The following ADGRG6 variants were observed in gnomAD, a reference collection of about 807,000 sequenced individuals.
The protein encoded by ADGRG6 is G-protein coupled receptor 126.
ADGRG6 carries 84 observed loss-of-function variants against 142.4 expected under a neutral mutation model. That is an observed-to-expected ratio of 0.59 (90% CI 0.49 to 0.71). ADGRG6 has a LOEUF of 0.71. Ranked by LOEUF, ADGRG6 falls within the 30% of genes least tolerant of loss-of-function variation. The probability of loss-of-function intolerance (pLI) is 0.00; values close to 1 mark genes in which losing one functional copy is unlikely to be tolerated. For missense variants in ADGRG6, 1,367 were observed against 1,466.6 expected, an observed-to-expected ratio of 0.93 and a Z score of 1.11; for synonymous variants, 521 against 520.5, an observed-to-expected ratio of 1.00 and a Z score of -0.01.
intron 2 of ADGRG6, among the ~76,000 whole-genome samples, chr6:142,315,712 T>TC (rs1375357559): frequency 6.6e-6 from 1 of 152,002 alleles, no homozygotes; most frequent in African/African-American, 2.4e-5. Context: ...GCGCCTGTAA[T>TC]CCCAGCTACT....
intron 2 of ADGRG6, among the ~76,000 whole-genome samples, chr6:142,364,903 T>C (rs1780877204): frequency 6.6e-6 from 1 of 152,098 alleles, no homozygotes; most frequent in South Asian, 2.1e-4. Context: ...TTAAACCCTT[T>C]CTTCAGGTCT....
At chr6:142,425,884 A>T (rs1036882267) in intron 22 of ADGRG6, among the ~76,000 whole-genome samples, 2 of 152,218 alleles carry the variant, frequency 1.3e-5, no homozygotes, top group South Asian at 4.1e-4. Context: ...GAGTTTGTGC[A>T]GAAAAACTCC....
At position 142,417,432 on chromosome 6, in the gene ADGRG6, T is replaced by C. The variant is rs1582660364; in HGVS notation, c.3035+63T>C. ...TTTGTTTCCTGAAGTTTAGCATTAA[T>C]TTCCATGCCAATAACAAGGCTTTCA... On this transcript the variant is annotated intron_variant, in intron 21 of 24. Coordinates refer to ENST00000367609, the MANE Select transcript of ADGRG6 (RefSeq NM_198569.3). 1.3e-5 allele frequency: 10 copies of C among 754,050 alleles called. No homozygotes were observed. The East Asian group carries it at 2.7e-4, about 20-fold the overall frequency. 46.7% of individuals were successfully genotyped at this position (754,050 alleles called of 1,614,324 possible). A position where few individuals can be genotyped will look rare whatever the true frequency, so the allele number is the denominator to read the frequency against.
intron 13 of ADGRG6, 66 bp from the exon 14 acceptor site, chr6:142,403,736 A>T: frequency 9.8e-7 from 1 of 1,024,598 alleles, no homozygotes; most frequent in Non-Finnish European, 1.4e-6. Flanking sequence ...ATGCAGCAAA[A>T]CATGTATGTT....
Position 142,370,450 on chromosome 6 carries a change from A to G in ADGRG6, c.726A>G (p.Lys242=). Residue 242 remains lysine, a synonymous_variant, in exon 4 of 25, where the codon AAA becomes AAG. Transcript: ENST00000367609. The stretch of plus-strand genomic sequence containing the variant: ...ATAATGCATTACCTGTCAAAGAAAA[A>G]GAAGACATTTTTGCAGAAAGCTTTG... The part of the protein sequence containing the change: ...LLNNALPVKE[K]EDIFAESFEQ... 6.2e-7 allele frequency: 1 copy of G among 1,613,626 alleles called. No individual in the cohort carries two copies.
chr6:142,375,261 A>G (rs371439230), intron 4 of ADGRG6, among the ~76,000 whole-genome samples: 3 of 152,214 alleles, frequency 2.0e-5, no homozygotes, highest in South Asian at 4.1e-4. Context: ...TTAGTCATCT[A>G]TAAGTTTTCA....
At chr6:142,367,499 G>A (rs1048198168) in intron 2 of ADGRG6, 70 bp from the exon 3 acceptor site, 2 of 989,572 alleles carry the variant, frequency 2.0e-6, no homozygotes, top group Non-Finnish European at 1.5e-6. Context: ...GCCAGTGTGT[G>A]GTATTCTCGG....
chr6:142,357,494 T>G (rs999903667), intron 2 of ADGRG6, among the ~76,000 whole-genome samples: 2 of 152,218 alleles, frequency 1.3e-5, no homozygotes, highest in African/African-American at 2.4e-5. Flanking sequence ...ACATAAAAAG[T>G]GTTCCATAAA....
chr6:142,412,958 A>G (rs374479291), intron 18 of ADGRG6, among the ~76,000 whole-genome samples: 3 of 152,032 alleles, frequency 2.0e-5, no homozygotes, highest in East Asian at 3.9e-4. Context: ...TCCTTCATAT[A>G]TTGTCTAAAT....
chr6:142,316,881 TCTC>T (rs1459789601), intron 2 of ADGRG6, among the ~76,000 whole-genome samples: 7 of 152,088 alleles, frequency 4.6e-5, no homozygotes, highest in Non-Finnish European at 1.0e-4. Flanking sequence ...TTTCCAGAAT[TCTC>T]CTCATCAGAT....
rs79450054 is a variant in ADGRG6 at position 142,333,160 on chromosome 6, A to G, written c.103+23516A>G. ...ATATGATGCAAGTCTTGATTGAGAC[A>G]GTATTAAATTATTTTCTTGCTTGAA... is the stretch of plus-strand genomic sequence containing the variant. On this transcript the variant is annotated intron_variant, in intron 2 of 24. Coordinates refer to ENST00000367609, the MANE Select transcript of ADGRG6 (RefSeq NM_198569.3). Among the ~76,000 whole-genome samples the G allele has an allele frequency of 7.6e-3, 1,154 of 152,310 alleles. 12 individuals are homozygous for G. Among genetic ancestry groups the G allele is most frequent in the African/African-American group, 0.026 (1,100 of 41,552 alleles).
chr6:142,422,553 C>T (rs1206508857), intron 22 of ADGRG6, among the ~76,000 whole-genome samples: 3 of 151,954 alleles, frequency 2.0e-5, no homozygotes, highest in Non-Finnish European at 4.4e-5. Flanking sequence ...TTTTCTTAAT[C>T]CAGTCTATCA....
chr6:142,431,088 A>G (rs1281755721), intron 22 of ADGRG6, among the ~76,000 whole-genome samples: 3 of 145,880 alleles, frequency 2.1e-5, no homozygotes, highest in Admixed American at 6.9e-5. Context: ...TCAATTCACA[A>G]TTACAGTTTT....
In ADGRG6 at chr6:142,419,873, G is replaced by A; in HGVS notation, c.3088G>A (p.Gly1030Arg). The A allele has an allele frequency of 6.2e-7, 1 of 1,612,566 alleles. No homozygotes were observed. The highest frequency in any genetic ancestry group is 1.1e-5 in the South Asian group (1 of 91,040). The change falls in exon 22 of 25, where the codon GGA becomes AGA. Residue 1030 changes from glycine (G) to arginine (R), a missense_variant. Gly to Arg is a moderately radical substitution (Grantham distance 125, BLOSUM62 -2). Transcript: ENST00000367609. ...TTATGTGACCTGTGCTGGGTATTTT[G>A]GAGTCATGTTTTTTCTGAACATTGC... Reference protein sequence around the residue: ...IFYVTCAGYFGVMFFLNIAMF... With the variant: ...IFYVTCAGYFRVMFFLNIAMF...
intron 22 of ADGRG6, among the ~76,000 whole-genome samples, chr6:142,436,975 ATATAAC>A (rs781697211): frequency 2.6e-5 from 4 of 152,248 alleles, no homozygotes; most frequent in Non-Finnish European, 5.9e-5. Flanking sequence ...TATACTATGA[ATATAAC>A]TATAATATAC....
intron 4 of ADGRG6, among the ~76,000 whole-genome samples, chr6:142,371,571 T>A (rs145911500): frequency 6.7e-6 from 1 of 150,252 alleles, no homozygotes; most frequent in African/African-American, 2.5e-5. Flanking sequence ...CTGCAAGCTC[T>A]GCCTCCCAGA....
intron 2 of ADGRG6, among the ~76,000 whole-genome samples, chr6:142,347,879 A>G (rs1779982969): frequency 6.6e-6 from 1 of 152,196 alleles, no homozygotes. Context: ...TAAAGTAGCT[A>G]AATATTCTTT....
intron 2 of ADGRG6, among the ~76,000 whole-genome samples, chr6:142,356,460 G>C (rs1468888893): frequency 2.0e-5 from 3 of 152,194 alleles, no homozygotes; most frequent in Non-Finnish European, 4.4e-5. Flanking sequence ...TAGGGACTCA[G>C]ACTTATGGCT....
At chr6:142,323,055 G>A (rs1259974528) in intron 2 of ADGRG6, among the ~76,000 whole-genome samples, 4 of 151,814 alleles carry the variant, frequency 2.6e-5, no homozygotes, top group Non-Finnish European at 5.9e-5. Context: ...GAAAGCATCA[G>A]TCAAGACAGT....
Sources: gnomAD v4.1 joint callset for allele counts (sites outside exome capture counted in the v4.1 genomes callset) on GRCh38, gnomAD v4.1.1 for gene constraint, MANE v1.5 for transcripts, NCBI Gene and HGNC (gene_info 2026-07-23, HGNC 2026-07-21) for gene names.